The following WWOX variants were observed in gnomAD, a reference collection of about 807,000 sequenced individuals.
The protein encoded by WWOX is WW domain containing oxidoreductase, also known as WW domain-containing oxidoreductase.
In WWOX, 69 loss-of-function variants were observed where a neutral mutation model predicts 46.2. The ratio of observed to expected loss-of-function variants is 1.49; its 90% CI spans 1.23 to 1.82. The LOEUF (loss-of-function observed/expected upper bound fraction) is 1.82, where lower values mean the gene tolerates loss of function less well. Ranked by LOEUF, WWOX falls within the 40% of genes most tolerant of loss-of-function variation. The pLI is 0.00. For synonymous variants in WWOX, 359 were observed against 202.6 expected, an observed-to-expected ratio of 1.77 and a Z score of -6.56; for missense variants, 919 against 542.6, an observed-to-expected ratio of 1.69 and a Z score of -6.89.
chr16:79,173,712 A>C (rs531065062), intron 8 of WWOX, among the ~76,000 whole-genome samples: 1 of 152,310 alleles, frequency 6.6e-6, no homozygotes, highest in Non-Finnish European at 1.5e-5. Context: ...ATGATTCCAT[A>C]AATCATAGTA....
chr16:78,769,331 T>C (rs529445696), intron 8 of WWOX, among the ~76,000 whole-genome samples: 1 of 152,230 alleles, frequency 6.6e-6, no homozygotes, highest in African/African-American at 2.4e-5. Flanking sequence ...CTCCATCCTT[T>C]CTCTTTTTCA....
At chr16:79,148,935 T>G (rs1325325844) in intron 8 of WWOX, among the ~76,000 whole-genome samples, 2 of 152,144 alleles carry the variant, frequency 1.3e-5, no homozygotes, top group Non-Finnish European at 2.9e-5. Context: ...ATTTGTTAGT[T>G]TTTTTGAGAT....
intron 8 of WWOX, among the ~76,000 whole-genome samples, chr16:78,648,823 G>A (rs2046902984): frequency 1.3e-5 from 2 of 152,182 alleles, no homozygotes; most frequent in Admixed American, 1.3e-4. Context: ...CTGCCTGGCT[G>A]CAGGAAGTTC....
intron 8 of WWOX, among the ~76,000 whole-genome samples, chr16:78,986,995 G>A (rs568945393): frequency 3.3e-5 from 5 of 151,974 alleles, no homozygotes; most frequent in Non-Finnish European, 7.4e-5. Flanking sequence ...TTACCCACAC[G>A]GAGCAGAGAG....
At chr16:78,854,415 G>C (rs187786429) in intron 8 of WWOX, among the ~76,000 whole-genome samples, 2 of 152,192 alleles carry the variant, frequency 1.3e-5, no homozygotes, top group East Asian at 3.8e-4. Flanking sequence ...TTGGCAGTGA[G>C]TTCAGGAGAT....
rs1467452854 is a variant in WWOX, at chr16:78,845,171, A to G, written c.1057-366437A>G. ...TTTAATCAAATACCAAAGTACTTCT[A>G]TGGACTGGTCTTAAAAAAAAAAAAG... On this transcript the variant is annotated intron_variant, in intron 8 of 8. Transcript: ENST00000566780. Among the ~76,000 whole-genome samples, 3 of 140,538 alleles carry G rather than the reference A, an allele frequency of 2.1e-5. No individual in the cohort carries two copies. The Admixed American group carries it at 2.2e-4, about 10-fold the overall frequency. 92.2% of individuals were successfully genotyped at this position (140,538 alleles called of 152,430 possible).
chr16:78,494,687 G>C (rs1467464377), intron 8 of WWOX, among the ~76,000 whole-genome samples: 2 of 152,162 alleles, frequency 1.3e-5, no homozygotes, highest in Non-Finnish European at 2.9e-5. Flanking sequence ...CAACATATCA[G>C]TCATTTTTTG....
intron 5 of WWOX, among the ~76,000 whole-genome samples, chr16:78,319,619 GTGT>G (rs2080424300): frequency 6.6e-6 from 1 of 152,134 alleles, no homozygotes. Flanking sequence ...GAATAAATGT[GTGT>G]TATTTCAAGC....
intron 8 of WWOX, among the ~76,000 whole-genome samples, chr16:78,561,710 G>C (rs1035873189): frequency 2.0e-5 from 3 of 152,190 alleles, no homozygotes; most frequent in Non-Finnish European, 4.4e-5. Flanking sequence ...AAGGATGTTA[G>C]GTAGAGCGCC....
chr16:78,536,440 C>A (rs775474241), intron 8 of WWOX, among the ~76,000 whole-genome samples: 3 of 151,810 alleles, frequency 2.0e-5, no homozygotes, highest in Non-Finnish European at 4.4e-5. Flanking sequence ...ACAAGGCAGG[C>A]TGAATGCAGC....
chr16:78,683,684 G>A (rs537678134), intron 8 of WWOX, among the ~76,000 whole-genome samples: 2 of 152,214 alleles, frequency 1.3e-5, no homozygotes, highest in East Asian at 1.9e-4. Context: ...TTACAGGCAC[G>A]AGCTGCCACG....
At chr16:79,014,874 A>G (rs2047381725) in intron 8 of WWOX, among the ~76,000 whole-genome samples, 1 of 152,178 alleles carries the variant, frequency 6.6e-6, no homozygotes, top group African/African-American at 2.4e-5. Flanking sequence ...CTTAGTGAGC[A>G]TCAGCTGTTT....
At chr16:78,419,372 C>A (rs1366171940) in intron 6 of WWOX, among the ~76,000 whole-genome samples, 1 of 151,986 alleles carries the variant, frequency 6.6e-6, no homozygotes, top group African/African-American at 2.4e-5. Flanking sequence ...GCTTCCATTT[C>A]TCAATTTCAA....
At chr16:79,184,763 G>A (rs1227426365) in intron 8 of WWOX, among the ~76,000 whole-genome samples, 6 of 152,218 alleles carry the variant, frequency 3.9e-5, no homozygotes, top group East Asian at 1.9e-4. Context: ...TTGAAGAGGA[G>A]GCACCAATGG....
rs569236377 is a variant in WWOX, at chr16:79,123,568, T to G, written c.1057-88040T>G. 5.9e-5 allele frequency among the ~76,000 whole-genome samples: 9 copies of G among 152,238 alleles called. No homozygotes were observed. In the East Asian group the frequency reaches 1.4e-3, roughly 23 times the overall value. ...GTCCTTATGTAAGGATTAAGGACGT[T>G]GAGACCCAGAAGGGTCTCATCTAAC... On this transcript the variant is annotated intron_variant, in intron 8 of 8. Transcript: ENST00000566780.
chr16:78,241,740 C>G (rs1468390192), intron 5 of WWOX, among the ~76,000 whole-genome samples: 2 of 152,122 alleles, frequency 1.3e-5, no homozygotes, highest in African/African-American at 2.4e-5. Flanking sequence ...ACGCCCCTCA[C>G]GCGCAGCCAC....
At chr16:78,577,828 A>G (rs1020473633) in intron 8 of WWOX, among the ~76,000 whole-genome samples, 4 of 152,266 alleles carry the variant, frequency 2.6e-5, no homozygotes, top group East Asian at 1.9e-4. Context: ...TAGCACATGT[A>G]CAGATGACCT....
chr16:78,600,853 C>T (rs548978825), intron 8 of WWOX, among the ~76,000 whole-genome samples: 5 of 152,124 alleles, frequency 3.3e-5, no homozygotes, highest in South Asian at 2.1e-4. Context: ...AGGTGACTCA[C>T]GCCTAGAATC....
chr16:78,893,461 A>G (rs1228374019), intron 8 of WWOX, among the ~76,000 whole-genome samples: 1 of 152,112 alleles, frequency 6.6e-6, no homozygotes, highest in Non-Finnish European at 1.5e-5. Context: ...GCTACTTAGG[A>G]AACCATCTCC....
Sources: gnomAD v4.1 joint callset for allele counts (sites outside exome capture counted in the v4.1 genomes callset) on GRCh38, gnomAD v4.1.1 for gene constraint, MANE v1.5 for transcripts, NCBI Gene and HGNC (gene_info 2026-07-23, HGNC 2026-07-21) for gene names.